The following HPX variants were observed in gnomAD, a reference collection of about 807,000 sequenced individuals.
HPX encodes the protein hemopexin.
In HPX, 42 loss-of-function variants were observed where a neutral mutation model predicts 53.8. The ratio of observed to expected loss-of-function variants is 0.78; its 90% confidence interval spans 0.61 to 1.01. The LOEUF (loss-of-function observed/expected upper bound fraction) is 1.01. Among genes scored for constraint, HPX ranks in the 50% least tolerant of loss-of-function variants. The pLI is 0.00. For missense variants in HPX, 547 were observed against 594.3 expected, an observed-to-expected ratio of 0.92 and a Z score of 0.83; for synonymous variants, 229 against 221.1, an observed-to-expected ratio of 1.04 and a Z score of -0.32.
At chr11:6,437,848 T>G (rs1849437176) in intron 5 of HPX, 196 bp from the exon 6 acceptor site, 1 of 598,302 alleles carries the variant, frequency 1.7e-6, no homozygotes, top group Non-Finnish European at 3.0e-6. Context: ...GCAAAGGCAG[T>G]GGGGAGAGTC....
At chr11:6,438,591 T>C in intron 4 of HPX, 82 bp from the exon 5 acceptor site, 1 of 1,265,426 alleles carries the variant, frequency 7.9e-7, no homozygotes, top group South Asian at 1.3e-5. Context: ...TTATCTACTG[T>C]GCTTATACGA....
At position 6,437,422 on chromosome 11, in the gene HPX, G is replaced by A; in HGVS notation, c.703+18C>T. 6.2e-7 allele frequency: 1 copy of A among 1,606,910 alleles called. No homozygotes were observed. The highest frequency in any genetic ancestry group is 8.5e-7 in the Non-Finnish European group (1 of 1,174,642). ...GTGGATGAATTCTGACAGGTCTCAA[G>A]TGCTAGGGCTTTCTCACCTCTGCCA... On this transcript the variant is annotated intron_variant, in intron 6 of 9. Transcript: ENST00000265983.
intron 7 of HPX, among the ~76,000 whole-genome samples, chr11:6,434,320 T>C (rs560832322): frequency 2.0e-5 from 3 of 152,228 alleles, no homozygotes; most frequent in Non-Finnish European, 4.4e-5. Context: ...AGGAACCATA[T>C]TTATTTTATT....
intron 7 of HPX, among the ~76,000 whole-genome samples, chr11:6,434,246 G>A (rs112750688): frequency 2.6e-5 from 4 of 152,154 alleles, no homozygotes; most frequent in Non-Finnish European, 4.4e-5. Context: ...CGTGTACTGA[G>A]TATACAGCGG....
intron 7 of HPX, among the ~76,000 whole-genome samples, chr11:6,433,673 C>A (rs969032490): frequency 6.6e-6 from 1 of 152,212 alleles, no homozygotes; most frequent in Admixed American, 6.5e-5. Flanking sequence ...TCAGAGTGAT[C>A]TTTTATAAAA....
At position 6,431,684 on chromosome 11, in the gene HPX, C is replaced by T. The variant is rs757669613; in HGVS notation, c.1086G>A (p.Ala362=). 9 of 1,614,022 alleles carry T rather than the reference C, an allele frequency of 5.6e-6. No homozygotes were observed. The highest frequency in any genetic ancestry group is 2.2e-5 in the East Asian group (1 of 44,898). The change falls in exon 9 of 10, where the codon GCG becomes GCA. Residue 362 remains alanine (A), a synonymous_variant. Transcript: ENST00000265983. ...GAGAAGACCCAGGGCAGATAAAGGCCGCATCCACAGAGTCCAGGATAATCC... is the reference window on the plus strand; with the variant it reads ...GAGAAGACCCAGGGCAGATAAAGGCTGCATCCACAGAGTCCAGGATAATCC... ...PHGIILDSVD[A]AFICPGSSRL...
rs1849351126 is a variant in HPX, at chr11:6,431,703, A to G, written c.1067T>C (p.Ile356Thr). The stretch of plus-strand genomic sequence containing the variant: ...AAAGGCCGCATCCACAGAGTCCAGG[A>G]TAATCCCATGAGGGGTCCCGACTTC... The part of the protein sequence containing the change: ...EKEVGTPHGI[I>T]LDSVDAAFIC... The change falls in exon 9 of 10, where the codon ATC (isoleucine) becomes ACC (threonine). Residue 356 changes from isoleucine to threonine, a missense_variant. Transcript: ENST00000265983. The G allele has an allele frequency of 1.9e-6, 3 of 1,614,086 alleles. No homozygotes were observed. Among genetic ancestry groups the G allele is most frequent in the African/African-American group, 2.7e-5 (2 of 74,948 alleles).
At chr11:6,437,229 T>C (rs1849428202) in intron 6 of HPX, 52 bp from the exon 7 acceptor site, 4 of 1,579,398 alleles carry the variant, frequency 2.5e-6, no homozygotes, top group Non-Finnish European at 3.4e-6. Context: ...GAGGTCAGAG[T>C]GAGGTCCAAG....
chr11:6,436,025 G>C (rs1040687583), intron 7 of HPX, among the ~76,000 whole-genome samples: 4 of 152,232 alleles, frequency 2.6e-5, no homozygotes, highest in African/African-American at 9.6e-5. Context: ...CACCATGGCT[G>C]TGTGTTCTCT....
rs1849443334 is a variant in HPX at position 6,438,379 on chromosome 11, G to A, written c.467C>T (p.Ala156Val). Residue 156 changes from alanine to valine, a missense_variant, in exon 5 of 10, where the codon GCT becomes GTT. Physicochemically the swap from Ala to Val is moderately conservative, Grantham distance 64. Transcript: ENST00000265983. ...AVECHRGECQ[A>V]EGVLFFQGDR... ...ACCTTGGAAGAAGAGGACGCCTTCA[G>A]CTTGACATTCTCCACGGTGACATTC... 2.5e-6 allele frequency: 4 copies of A among 1,614,170 alleles called. No homozygotes were observed. The highest frequency in any genetic ancestry group is 3.4e-6 in the Non-Finnish European group (4 of 1,180,028).
At position 6,440,746 on chromosome 11, in the gene HPX, T is replaced by A. The variant is rs372624362; in HGVS notation, c.84-16A>T. The A allele has an allele frequency of 1.2e-6, 2 of 1,612,746 alleles. No individual in the cohort carries two copies. The highest frequency in any genetic ancestry group is 4.5e-5 in the East Asian group (2 of 44,848). The stretch of plus-strand genomic sequence containing the variant: ...GGCACTAGTCCTAGGGAGAACAAAA[T>A]AGATATCTTGATCCATTGGGACCGA... On this transcript the variant is annotated splice_polypyrimidine_tract_variant and intron_variant, in intron 1 of 9. Coordinates refer to ENST00000265983, the MANE Select transcript of HPX (RefSeq NM_000613.3).
At chr11:6,435,735 C>A (rs1004844559) in intron 7 of HPX, among the ~76,000 whole-genome samples, 1 of 152,250 alleles carries the variant, frequency 6.6e-6, no homozygotes, top group Non-Finnish European at 1.5e-5. Flanking sequence ...GGATTACAGG[C>A]GTGACTCACC....
chr11:6,431,617 T>C (rs1409305397), intron 9 of HPX, 24 bp downstream of exon 9: 1 of 1,612,348 alleles, frequency 6.2e-7, no homozygotes. Flanking sequence ...CAAGCTGCCC[T>C]CTAAGCACCC....
At position 6,432,007 on chromosome 11, in the gene HPX, G is replaced by A. The variant is rs1293204264; in HGVS notation, c.846C>T (p.Tyr282=). The change falls in exon 8 of 10, where the codon TAC becomes TAT. Residue 282 remains tyrosine (Y), a synonymous_variant. Transcript: ENST00000265983. Reference sequence around the variant, plus strand: ...CATCCCGGCTGGTGTCCAGACGCCAGTAGTGGGTCCCTGTGGAATACCATA... The same window carrying A: ...CATCCCGGCTGGTGTCCAGACGCCAATAGTGGGTCCCTGTGGAATACCATA... ...GATYAFSGTH[Y]WRLDTSRDGW... The A allele has an allele frequency of 4.3e-6, 7 of 1,614,110 alleles. No homozygotes were observed. Among genetic ancestry groups the A allele is most frequent in the Non-Finnish European group, 5.9e-6 (7 of 1,180,052 alleles).
Position 6,437,023 on chromosome 11 carries a change from G to T in HPX, c.835+23C>A, listed in dbSNP as rs2291482. The T allele has an allele frequency of 1.6e-5, 25 of 1,612,500 alleles. No individual in the cohort carries two copies. In the East Asian group the frequency reaches 5.3e-4, roughly 34 times the overall value. ...GTAAAAGAGATGTGAGAGCACATTG[G>T]GGGAGTTGGGGGCATCTCTCACCAC... On this transcript the variant is annotated intron_variant, in intron 7 of 9. Coordinates refer to ENST00000265983, the MANE Select transcript of HPX (RefSeq NM_000613.3).
At chr11:6,438,786 A>G (rs575466638) in intron 4 of HPX, among the ~76,000 whole-genome samples, 3 of 152,320 alleles carry the variant, frequency 2.0e-5, no homozygotes, top group African/African-American at 7.2e-5. Context: ...GTTGACAAAC[A>G]TATCCACAAC....
In HPX at chr11:6,431,505, A is replaced by G. The variant is rs746614540; in HGVS notation, c.1130-35T>C. 3 of 1,612,922 alleles carry G rather than the reference A, an allele frequency of 1.9e-6. No individual in the cohort carries two copies. In the African/African-American group the frequency reaches 4.0e-5, roughly 22 times the overall value. Reference sequence around the variant, plus strand: ...AGGCACCAAACATAGCATGGCTTCCATGTCATGGGGATCCTGACCTAGGCC... The same window carrying G: ...AGGCACCAAACATAGCATGGCTTCCGTGTCATGGGGATCCTGACCTAGGCC... On this transcript the variant is annotated intron_variant, in intron 9 of 9. Coordinates refer to ENST00000265983, the MANE Select transcript of HPX (RefSeq NM_000613.3).
Position 6,431,302 on chromosome 11 carries a change from A to G in HPX, c.1298T>C (p.Leu433Ser). Residue 433 changes from leucine (L) to serine (S), a missense_variant, in exon 10 of 10, where the codon TTG becomes TCG. By Grantham distance (145) the Leu-to-Ser change is moderately radical. Coordinates refer to ENST00000265983, the MANE Select transcript of HPX (RefSeq NM_000613.3). ...TTTCTCCACATCACTGTAGCAGTAC[A>G]AATTGGGACCATGGATGAGGTACAA... Reference protein sequence around the residue: ...PGLYLIHGPNLYCYSDVEKLN... With the variant: ...PGLYLIHGPNSYCYSDVEKLN... 1 of 1,614,264 alleles carries G rather than the reference A, an allele frequency of 6.2e-7. No individual in the cohort carries two copies. Among genetic ancestry groups the G allele is most frequent in the Non-Finnish European group, 8.5e-7 (1 of 1,180,048 alleles).
chr11:6,440,512 CA>C lies in HPX; in HGVS notation c.168del (p.Phe56LeufsTer30), dbSNP rs771526622. 6.7e-7 allele frequency: 1 copy of C among 1,482,914 alleles called. No homozygotes were observed. The highest frequency in any genetic ancestry group is 9.0e-7 in the Non-Finnish European group (1 of 1,107,482). The allele number at this position is 1,482,914 out of a possible 1,614,324, so 91.9% of individuals were successfully genotyped here. On this transcript the variant is annotated frameshift_variant, in exon 3 of 10. Transcript: ENST00000265983. LOFTEE classifies it high-confidence loss of function. ...VTERCSDGWS[F>X]DATTLDDNGT... ...CCATTGTCATCCAGGGTGGTAGCAT[CA>C]AAGCTCCAGCCATCTGAGCAGCGTT...
Sources: allele counts gnomAD v4.1 joint callset (sites outside exome capture counted in the v4.1 genomes callset), GRCh38; gene constraint gnomAD v4.1.1; transcripts MANE v1.5; gene names NCBI Gene and HGNC (gene_info 2026-07-23, HGNC 2026-07-21).